The following SEH1L variants were observed in gnomAD, a reference collection of about 807,000 sequenced individuals.
SEH1L encodes the protein SEH1 like nucleoporin, also known as nucleoporin SEH1.
Under a neutral mutation model 49.5 loss-of-function variants are expected in SEH1L, and 18 were observed. That is an observed-to-expected ratio of 0.36 (90% CI 0.25 to 0.54). The LOEUF (loss-of-function observed/expected upper bound fraction) is 0.54, where lower values mean the gene tolerates loss of function less well. SEH1L is among the 20% of genes least tolerant of loss of function. The probability of loss-of-function intolerance (pLI) is 0.87; values close to 1 mark genes in which losing one functional copy is unlikely to be tolerated. For synonymous variants in SEH1L, 169 were observed against 178.1 expected (o/e 0.95, Z 0.41); for missense variants, 404 against 528.8 (o/e 0.76, Z 2.31).
At chr18:12,983,296 C>A (rs1405832690) in intron 7 of SEH1L, 1 of 152,230 alleles carries the variant, frequency 6.6e-6, no homozygotes, top group African/African-American at 2.4e-5. Context: ...TTATAGCTAT[C>A]TTTGTTTATT....
In SEH1L at chr18:12,975,853, C is replaced by G. The variant is rs375538896; in HGVS notation, c.621-2899C>G. 1.0e-5 allele frequency: 10 copies of G among 985,748 alleles called. No homozygotes were observed. The African/African-American group carries it at 1.6e-4, about 15-fold the overall frequency. 61.1% of individuals were successfully genotyped at this position (985,748 alleles called of 1,614,324 possible). A position where few individuals can be genotyped will look rare whatever the true frequency, so the allele number is the denominator to read the frequency against. On this transcript the variant is annotated intron_variant, in intron 5 of 8. Coordinates refer to ENST00000399892, the MANE Select transcript of SEH1L (RefSeq NM_001013437.2). ...GTGGGATGAAGAGGGACCGGGGAGA[C>G]TTGTCTAGGAGGCACCAGCTGTAGG...
At chr18:12,965,978 G>T (rs2031432231) in intron 4 of SEH1L, among the ~76,000 whole-genome samples, 1 of 152,122 alleles carries the variant, frequency 6.6e-6, no homozygotes, top group South Asian at 2.1e-4. Flanking sequence ...AGCTGCTGCT[G>T]TACTTTCCTC....
chr18:12,952,232 CT>C lies in SEH1L; in HGVS notation c.162+343del, dbSNP rs746291412. ...AAACCTTTACTCAAGTAGAAATTTT[CT>C]TTTTTTTTTTTTTTTGAGACGGAGA... On this transcript the variant is annotated intron_variant, in intron 2 of 8. Coordinates refer to ENST00000399892, the MANE Select transcript of SEH1L (RefSeq NM_001013437.2). 2.6e-3 allele frequency among the ~76,000 whole-genome samples: 347 copies of C among 133,424 alleles called. 1 individual carries two copies. The highest frequency in any genetic ancestry group is 6.9e-3 in the African/African-American group (252 of 36,264). 87.5% of individuals were successfully genotyped at this position (133,424 alleles called of 152,430 possible).
At chr18:12,975,936 A>G (rs547709076) in intron 5 of SEH1L, 2 of 925,300 alleles carry the variant, frequency 2.2e-6, no homozygotes, top group African/African-American at 3.6e-5. Context: ...TGAGATGGGG[A>G]CTGAGCAAAG....
At chr18:12,980,537 C>T (rs2032178145) in intron 6 of SEH1L, among the ~76,000 whole-genome samples, 2 of 108,098 alleles carry the variant, frequency 1.9e-5, no homozygotes, top group Admixed American at 1.7e-4. Flanking sequence ...CCACCTCCCT[C>T]CCGGACGGGG....
intron 1 of SEH1L, among the ~76,000 whole-genome samples, chr18:12,949,268 C>A (rs1450888305): frequency 6.6e-6 from 1 of 151,928 alleles, no homozygotes; most frequent in Non-Finnish European, 1.5e-5. Context: ...ATTTGGTTCT[C>A]GACAACTCCA....
chr18:12,985,850 A>G lies in SEH1L; in HGVS notation c.1071-1012A>G, dbSNP rs1449249873. The G allele has an allele frequency of 1.1e-5, 11 of 964,422 alleles. No individual in the cohort carries two copies. In the Admixed American group the frequency reaches 6.8e-4, roughly 59 times the overall value. 59.7% of individuals were successfully genotyped at this position (964,422 alleles called of 1,614,324 possible). ...AGTGAATTAATAAAGTAGTAATAGT[A>G]AAATGAAAGGAACTTGACTGTACAG... is the stretch of plus-strand genomic sequence containing the variant. On this transcript the variant is annotated intron_variant, in intron 8 of 8. Coordinates refer to ENST00000399892, the MANE Select transcript of SEH1L (RefSeq NM_001013437.2).
intron 1 of SEH1L, chr18:12,948,546 T>G: frequency 4.3e-6 from 1 of 229,930 alleles, no homozygotes; most frequent in East Asian, 9.8e-5. Context: ...CATCCCACCG[T>G]CAGCCTCGGC....
chr18:12,986,950 G>A lies in SEH1L; in HGVS notation c.1159G>A (p.Val387Ile), dbSNP rs1447633305. 1 of 1,613,420 alleles carries A rather than the reference G, an allele frequency of 6.2e-7. No individual in the cohort carries two copies. Among genetic ancestry groups the A allele is most frequent in the Admixed American group, 1.7e-5 (1 of 59,970 alleles). ...QLLPPPPPPLVEHSCDADTAN... is the reference protein window; with the variant it reads ...QLLPPPPPPLIEHSCDADTAN... ...CCTTCCTCCTCCTCCTCCTCCTCTG[G>A]TAGAGCACTCTTGCGATGCTGACAC... is the stretch of plus-strand genomic sequence containing the variant. The change falls in exon 9 of 9, where the codon GTA becomes ATA. Residue 387 changes from valine to isoleucine, a missense_variant. By Grantham distance (29) the Val-to-Ile change is conservative (BLOSUM62 3). Around this residue, in one of 3 missense-constraint regions of SEH1L, gnomAD observed 342 missense variants for 430.8 expected, o/e 0.79. Coordinates refer to ENST00000399892, the MANE Select transcript of SEH1L (RefSeq NM_001013437.2).
At position 12,982,498 on chromosome 18, in the gene SEH1L, A is replaced by G; in HGVS notation, c.762-20A>G. On this transcript the variant is annotated intron_variant, in intron 6 of 8. Coordinates refer to ENST00000399892, the MANE Select transcript of SEH1L (RefSeq NM_001013437.2). The stretch of plus-strand genomic sequence containing the variant: ...TAAAACTTTGTTTGGAATGCCTCAG[A>G]AAATGTTTTTTATTAACAGGAAAGA... 2 of 1,599,410 alleles carry G rather than the reference A, an allele frequency of 1.3e-6. No individual in the cohort carries two copies. Among genetic ancestry groups the G allele is most frequent in the Non-Finnish European group, 1.7e-6 (2 of 1,173,492 alleles).
chr18:12,977,545 T>G (rs1362204769), intron 5 of SEH1L: 1 of 152,156 alleles, frequency 6.6e-6, no homozygotes, highest in Middle Eastern at 3.1e-3. Flanking sequence ...ACCAACATGG[T>G]GAAACCCTGT....
chr18:12,948,474 G>T (rs368328603), intron 1 of SEH1L: 10 of 374,266 alleles, frequency 2.7e-5, no homozygotes, highest in African/African-American at 1.3e-4. Flanking sequence ...GCTCCCGCCC[G>T]CAGGGTACGC....
chr18:12,983,438 T>TAG (rs1490764179), intron 7 of SEH1L, among the ~76,000 whole-genome samples: 1 of 152,252 alleles, frequency 6.6e-6, no homozygotes, highest in East Asian at 1.9e-4. Context: ...TTAGGGGCTT[T>TAG]GCTGTCCTTT....
chr18:12,980,254 C>G (rs1216656247), intron 6 of SEH1L, among the ~76,000 whole-genome samples: 4 of 135,744 alleles, frequency 2.9e-5, no homozygotes, highest in Non-Finnish European at 4.8e-5. Flanking sequence ...CTGGCCCCCC[C>G]ACCTCCCTCC....
chr18:12,963,287 A>C lies in SEH1L; in HGVS notation c.437A>C (p.Asp146Ala). The change falls in exon 4 of 9, where the codon GAT becomes GCT. Residue 146 changes from aspartate to alanine, a missense_variant. By Grantham distance (126) the Asp-to-Ala change is moderately radical. Transcript: ENST00000399892. Reference sequence around the variant, plus strand: ...ATAGTAAGAATCTATGAGGCACCAGATGTTATGAATCTCAGCCAGTGGTCT... The same window carrying C: ...ATAGTAAGAATCTATGAGGCACCAGCTGTTATGAATCTCAGCCAGTGGTCT... ...DGIVRIYEAPDVMNLSQWSLQ... is the reference protein window; with the variant it reads ...DGIVRIYEAPAVMNLSQWSLQ... 1 of 1,614,152 alleles carries C rather than the reference A, an allele frequency of 6.2e-7. No individual in the cohort carries two copies. Among genetic ancestry groups the C allele is most frequent in the Non-Finnish European group, 8.5e-7 (1 of 1,179,994 alleles).
Position 12,967,609 on chromosome 18 carries a change from C to T in SEH1L, c.522-3544C>T, listed in dbSNP as rs998029549. Among the ~76,000 whole-genome samples the T allele has an allele frequency of 8.5e-5, 13 of 152,192 alleles. No individual in the cohort carries two copies. In the East Asian group the frequency reaches 1.9e-3, roughly 23 times the overall value. ...TTTTGCAGAGCTGCTCTGCACCTGC[C>T]GATGAATGACCATGAAAGCCTGGGC... On this transcript the variant is annotated intron_variant, in intron 4 of 8. Coordinates refer to ENST00000399892, the MANE Select transcript of SEH1L (RefSeq NM_001013437.2).
At chr18:12,971,082 A>G in intron 4 of SEH1L, 71 bp from the exon 5 acceptor site, 2 of 1,067,676 alleles carry the variant, frequency 1.9e-6, no homozygotes, top group Non-Finnish European at 2.9e-6. Context: ...GCTTGCCTCC[A>G]GTGTGTTCAT....
At chr18:12,959,763 G>A (rs1406822963) in intron 3 of SEH1L, among the ~76,000 whole-genome samples, 2 of 152,052 alleles carry the variant, frequency 1.3e-5, no homozygotes, top group East Asian at 3.8e-4. Flanking sequence ...TGCTTTTGGT[G>A]TTATATCCAG....
intron 8 of SEH1L, chr18:12,985,317 C>T (rs1222100384): frequency 4.4e-6 from 7 of 1,579,706 alleles, no homozygotes; most frequent in East Asian, 2.3e-5. Flanking sequence ...GAATGGAAAG[C>T]GAGCTCCTTT....
Sources: gnomAD v4.1 joint callset for allele counts (sites outside exome capture counted in the v4.1 genomes callset) on GRCh38, gnomAD v4.1.1 for gene constraint, gnomAD v4.1.1 regional missense constraint, MANE v1.5 for transcripts, NCBI Gene and HGNC (gene_info 2026-07-23, HGNC 2026-07-21) for gene names.